The following TRIP11 variants were observed in gnomAD, a reference collection of about 807,000 sequenced individuals.
TRIP11 encodes thyroid receptor-interacting protein 11.
Under a neutral mutation model 223.1 loss-of-function variants are expected in TRIP11, and 148 were observed. The ratio of observed to expected loss-of-function variants is 0.66; its 90% CI spans 0.58 to 0.76. TRIP11 has a LOEUF of 0.76. TRIP11 is among the 30% of genes least tolerant of loss of function. The pLI is 0.00. For missense variants in TRIP11, 2,043 were observed against 2,222.0 expected, an observed-to-expected ratio of 0.92 and a Z score of 1.62; for synonymous variants, 762 against 772.6, an observed-to-expected ratio of 0.99 and a Z score of 0.23.
In TRIP11 at chr14:91,967,660, C is replaced by G; in HGVS notation, c.*2013G>C. The G allele has an allele frequency of 5.1e-6, 1 of 195,642 alleles. No individual in the cohort carries two copies. The highest frequency in any genetic ancestry group is 8.0e-5 in the East Asian group (1 of 12,462). The allele number at this position is 195,642 out of a possible 1,614,324, so 12.1% of individuals were successfully genotyped here. On this transcript the variant is annotated 3_prime_UTR_variant, in exon 21 of 21. Transcript: ENST00000267622. ...GATGACATACTACTTAAATACCAAC[C>G]ATGCATCTCTTTTTCAAATTAAAAG...
intron 13 of TRIP11, among the ~76,000 whole-genome samples, chr14:91,997,440 T>C (rs1417399622): frequency 6.6e-6 from 1 of 152,100 alleles, no homozygotes; most frequent in East Asian, 1.9e-4. Context: ...AATTAAAATA[T>C]AAGTGCCCTC....
chr14:92,028,444 T>C (rs1292423747), intron 2 of TRIP11, among the ~76,000 whole-genome samples: 2 of 152,084 alleles, frequency 1.3e-5, no homozygotes, highest in African/African-American at 4.8e-5. Flanking sequence ...TCCCAGCTAC[T>C]CAGGAGGCTG....
chr14:91,981,543 A>T (rs1222793364), intron 16 of TRIP11, among the ~76,000 whole-genome samples: 16 of 151,566 alleles, frequency 1.1e-4, no homozygotes, highest in Admixed American at 1.1e-3. Flanking sequence ...GGCATGTGCC[A>T]CCACACCTGG....
intron 5 of TRIP11, among the ~76,000 whole-genome samples, chr14:92,017,331 T>C (rs974332536): frequency 3.9e-5 from 6 of 152,098 alleles, no homozygotes; most frequent in African/African-American, 1.4e-4. Flanking sequence ...GGCTTGAGGC[T>C]AGAAGTTCCA....
At chr14:91,987,800 C>T (rs2056621154) in intron 16 of TRIP11, among the ~76,000 whole-genome samples, 1 of 152,160 alleles carries the variant, frequency 6.6e-6, no homozygotes, top group South Asian at 2.1e-4. Context: ...GCATATGAGG[C>T]ACCTTATAAA....
intron 9 of TRIP11, among the ~76,000 whole-genome samples, chr14:92,008,865 G>C (rs923411205): frequency 1.3e-5 from 2 of 151,974 alleles, no homozygotes; most frequent in Non-Finnish European, 2.9e-5. Flanking sequence ...AATACAGCAA[G>C]ACTCTCTCTC....
chr14:92,026,096 T>A (rs2057182674), intron 2 of TRIP11, among the ~76,000 whole-genome samples: 1 of 152,224 alleles, frequency 6.6e-6, no homozygotes, highest in Non-Finnish European at 1.5e-5. Flanking sequence ...TTTTGTTTTC[T>A]TCCCCAAACA....
At chr14:92,000,850 CTTTCTTTTTT>C (rs1411699309) in intron 11 of TRIP11, among the ~76,000 whole-genome samples, 3 of 151,014 alleles carry the variant, frequency 2.0e-5, no homozygotes, top group Non-Finnish European at 2.9e-5. Context: ...TTTACAGCCA[CTTTCTTTTTT>C]TTTCTTTTTT....
chr14:92,033,138 T>C, intron 2 of TRIP11, 54 bp downstream of exon 2: 1 of 1,326,270 alleles, frequency 7.5e-7, no homozygotes, highest in Admixed American at 1.7e-5. Flanking sequence ...AATGTTTGAG[T>C]AACCTTCATG....
Position 92,021,568 on chromosome 14 carries a change from C to T in TRIP11, c.576G>A (p.Arg192=). 18 of 1,614,110 alleles carry T rather than the reference C, an allele frequency of 1.1e-5. No individual in the cohort carries two copies. The highest frequency in any genetic ancestry group is 1.5e-5 in the Non-Finnish European group (18 of 1,180,034). The change falls in exon 4 of 21, where the codon AGG becomes AGA. Residue 192 remains arginine (R), a synonymous_variant. Transcript: ENST00000267622. The part of the protein sequence containing the change: ...SRLESEVGHW[R]HIAQTSKAQG... ...AATTTTTATCTACCTGAGCAATATG[C>T]CTCCAATGGCCAACTTCAGACTCAA...
intron 7 of TRIP11, among the ~76,000 whole-genome samples, chr14:92,013,497 C>G (rs1288682764): frequency 6.6e-6 from 1 of 152,138 alleles, no homozygotes; most frequent in African/African-American, 2.4e-5. Context: ...TGTCCTTAAC[C>G]ACTACGCTAT....
chr14:92,026,305 T>C (rs1721227024), intron 2 of TRIP11, among the ~76,000 whole-genome samples: 1 of 152,186 alleles, frequency 6.6e-6, no homozygotes, highest in Non-Finnish European at 1.5e-5. Context: ...CACACTGTCT[T>C]TTAAGATGTT....
At chr14:92,028,262 A>G (rs1025693122) in intron 2 of TRIP11, among the ~76,000 whole-genome samples, 1 of 152,222 alleles carries the variant, frequency 6.6e-6, no homozygotes, top group African/African-American at 2.4e-5. Context: ...TATGAGAGTC[A>G]GAAAGATTGA....
At chr14:92,000,433 C>A (rs2056809187) in intron 11 of TRIP11, among the ~76,000 whole-genome samples, 1 of 152,084 alleles carries the variant, frequency 6.6e-6, no homozygotes, top group Non-Finnish European at 1.5e-5. Flanking sequence ...GAATTCGAGT[C>A]AAGTATGAAC....
chr14:92,008,259 A>G (rs970121273), intron 9 of TRIP11, among the ~76,000 whole-genome samples: 4 of 152,142 alleles, frequency 2.6e-5, no homozygotes, highest in African/African-American at 9.7e-5. Flanking sequence ...CCTCACTTCC[A>G]TTCTCTAACA....
chr14:92,021,257 C>T (rs981990960), intron 4 of TRIP11, among the ~76,000 whole-genome samples: 3 of 151,402 alleles, frequency 2.0e-5, no homozygotes, highest in Admixed American at 6.6e-5. Context: ...GGCATAGTGG[C>T]GTGTGCCTAT....
At chr14:91,971,070 G>A (rs2056395581) in intron 20 of TRIP11, among the ~76,000 whole-genome samples, 1 of 152,184 alleles carries the variant, frequency 6.6e-6, no homozygotes, top group South Asian at 2.1e-4. Flanking sequence ...ATGAAGTTGG[G>A]CTAATACAAT....
rs1219519000 is a variant in TRIP11 at position 92,015,981 on chromosome 14, TGAAAA to T, written c.658-125_658-121del. Reference sequence around the variant, plus strand: ...AAGAATTCTCAGAACATGTTAAGGCTGAAAAGAATTTAAACACAGACCCAAAATTA... The same window carrying T: ...AAGAATTCTCAGAACATGTTAAGGCTGAATTTAAACACAGACCCAAAATTA... On this transcript the variant is annotated intron_variant, in intron 5 of 20. Transcript: ENST00000267622. 2.0e-5 allele frequency: 20 copies of T among 1,013,554 alleles called. No individual in the cohort carries two copies. The Middle Eastern group carries it at 9.3e-4, about 47-fold the overall frequency. The allele number at this position is 1,013,554 out of a possible 1,614,324, so 62.8% of individuals were successfully genotyped here.
rs777238360 is a variant in TRIP11 at position 92,015,820 on chromosome 14, T to C, written c.699A>G (p.Gln233=). ...CATTCTGCAGTACTGACATTTCATGTTGATGGTCATCAATTTCCTGACTTC... is the reference window on the plus strand; with the variant it reads ...CATTCTGCAGTACTGACATTTCATGCTGATGGTCATCAATTTCCTGACTTC... ...QNRSQEIDDH[Q]HEMSVLQNAH... The change falls in exon 6 of 21, where the codon CAA becomes CAG. Residue 233 remains glutamine, a synonymous_variant. Coordinates refer to ENST00000267622, the MANE Select transcript of TRIP11 (RefSeq NM_004239.4). 1 of 1,613,068 alleles carries C rather than the reference T, an allele frequency of 6.2e-7. No individual in the cohort carries two copies. Among genetic ancestry groups the C allele is most frequent in the African/African-American group, 1.3e-5 (1 of 75,068 alleles).
Sources: gnomAD v4.1 joint callset for allele counts (sites outside exome capture counted in the v4.1 genomes callset) on GRCh38, gnomAD v4.1.1 for gene constraint, MANE v1.5 for transcripts, NCBI Gene and HGNC (gene_info 2026-07-23, HGNC 2026-07-21) for gene names.